TYW1B: variants seen among roughly 807,000 people sequenced by gnomAD.
The protein encoded by TYW1B is S-adenosyl-L-methionine-dependent tRNA 4-demethylwyosine synthase TYW1B.
Under a neutral mutation model 86.9 loss-of-function variants are expected in TYW1B, and 73 were observed. The ratio of observed to expected loss-of-function variants is 0.84; its 90% CI spans 0.70 to 1.02. The LOEUF (loss-of-function observed/expected upper bound fraction) is 1.02, where lower values mean the gene tolerates loss of function less well. Among genes scored for constraint, TYW1B ranks in the 50% least tolerant of loss-of-function variants. The pLI is 0.00. For missense variants in TYW1B, 637 were observed against 827.4 expected (o/e 0.77, Z 2.82); for synonymous variants, 248 against 292.8 (o/e 0.85, Z 1.56).
intron 7 of TYW1B, among the ~76,000 whole-genome samples, chr7:72,773,245 G>T (rs1787897296): frequency 6.6e-6 from 1 of 152,210 alleles, no homozygotes; most frequent in African/African-American, 2.4e-5. Flanking sequence ...TAAGCCAACA[G>T]TGTACAGTTG....
rs188461281 is a variant in TYW1B at position 72,596,545 on chromosome 7, C to T, written c.1785+20127G>A. On this transcript the variant is annotated intron_variant, in intron 13 of 13. Coordinates refer to ENST00000620995, the MANE Select transcript of TYW1B (RefSeq NM_001145440.3). ...AGACTACTCAATGGGGAAAGGGCAG[C>T]GTCCTTAACAAATGGTGTTGGAAAA... Among the ~76,000 whole-genome samples, 37 of 152,220 alleles carry T rather than the reference C, an allele frequency of 2.4e-4. No individual in the cohort carries two copies. The East Asian group carries it at 5.0e-3, about 21-fold the overall frequency.
At chr7:72,699,881 C>T (rs1439721305) in intron 10 of TYW1B, among the ~76,000 whole-genome samples, 2 of 152,004 alleles carry the variant, frequency 1.3e-5, no homozygotes, top group Non-Finnish European at 1.5e-5. Context: ...AACTCTTGGC[C>T]TCAGGTGATC....
chr7:72,622,361 G>C (rs1812238776), intron 12 of TYW1B, among the ~76,000 whole-genome samples: 1 of 152,216 alleles, frequency 6.6e-6, no homozygotes, highest in Admixed American at 6.5e-5. Flanking sequence ...GTGCTTAATG[G>C]AAAGTGATCT....
intron 2 of TYW1B, among the ~76,000 whole-genome samples, chr7:72,823,705 G>A (rs1586012957): frequency 6.6e-6 from 1 of 151,466 alleles, no homozygotes. Context: ...ATGGAAGATG[G>A]CTATCTACCC....
rs539061417 is a variant in TYW1B, at chr7:72,827,410, G to A, written c.5-425C>T. ...GCGACAGAGCAAGGCTCCATCTCGT[G>A]GGGGGGGCGGGGGAATCAACTGTAA... On this transcript the variant is annotated intron_variant, in intron 1 of 13. Coordinates refer to ENST00000620995, the MANE Select transcript of TYW1B (RefSeq NM_001145440.3). Among the ~76,000 whole-genome samples, 3 of 148,250 alleles carry A rather than the reference G, an allele frequency of 2.0e-5. No homozygotes were observed. The South Asian group carries it at 6.3e-4, about 31-fold the overall frequency.
chr7:72,758,536 G>C (rs1787633428), intron 7 of TYW1B, among the ~76,000 whole-genome samples: 1 of 151,978 alleles, frequency 6.6e-6, no homozygotes, highest in East Asian at 1.9e-4. Context: ...ACCTGAAAGA[G>C]AGCACTAAGA....
intron 11 of TYW1B, among the ~76,000 whole-genome samples, chr7:72,665,485 GCT>G (rs1554445115): frequency 1.3e-5 from 2 of 152,156 alleles, no homozygotes; most frequent in East Asian, 3.8e-4. Flanking sequence ...GTTATATGCA[GCT>G]GATCTGAATC....
At chr7:72,777,719 C>A (rs1309401962) in intron 6 of TYW1B, among the ~76,000 whole-genome samples, 186 bp from the exon 7 acceptor site, 2 of 152,012 alleles carry the variant, frequency 1.3e-5, no homozygotes, top group Non-Finnish European at 2.9e-5. Context: ...AGATCGAGAC[C>A]AGCCCGGCCA....
intron 3 of TYW1B, among the ~76,000 whole-genome samples, chr7:72,811,066 T>C (rs1351846123): frequency 6.6e-6 from 1 of 151,298 alleles, no homozygotes; most frequent in Non-Finnish European, 1.5e-5. Flanking sequence ...GGTCAGGAGA[T>C]CGAGACCATC....
intron 11 of TYW1B, among the ~76,000 whole-genome samples, chr7:72,654,454 G>T (rs1373864214): frequency 6.6e-6 from 1 of 152,332 alleles, no homozygotes; most frequent in South Asian, 2.1e-4. Context: ...AAACTGTCCA[G>T]CCTAGAGAAG....
chr7:72,802,311 G>A, intron 6 of TYW1B, 89 bp downstream of exon 6: 1 of 1,532,714 alleles, frequency 6.5e-7, no homozygotes, highest in Non-Finnish European at 8.8e-7. Flanking sequence ...ACTCCTCTGT[G>A]AGCTCAGATG....
chr7:72,740,005 G>A (rs1787273323), intron 8 of TYW1B, among the ~76,000 whole-genome samples: 2 of 148,976 alleles, frequency 1.3e-5, no homozygotes, highest in Admixed American at 6.8e-5. Flanking sequence ...GCCAAGGCGG[G>A]TGGATCACTT....
At chr7:72,734,665 A>T (rs1380303848) in intron 8 of TYW1B, among the ~76,000 whole-genome samples, 3 of 152,218 alleles carry the variant, frequency 2.0e-5, no homozygotes, top group African/African-American at 7.2e-5. Flanking sequence ...CAGGGTGAAG[A>T]GACAACCTGC....
At chr7:72,578,056 C>A (rs4318932) in intron 13 of TYW1B, among the ~76,000 whole-genome samples, 68,314 of 151,228 alleles carry the variant, frequency 0.45, 17,445 homozygotes, top group African/African-American at 0.7. Context: ...GAATATATGA[C>A]CTTAACAACG....
rs782613762 is a variant in TYW1B, at chr7:72,575,692, A to G, written c.1813T>C (p.Trp605Arg). ...KFKIGGEWWT[W>R]IDYNRFQELI... ...TCCTGGAAGCGGTTATAATCGATCC[A>G]TGTCCACCATTCACCACCAATTTTA... The change falls in exon 14 of 14, where the codon TGG (tryptophan) becomes CGG (arginine). Residue 605 changes from tryptophan (W) to arginine (R), a missense_variant. Transcript: ENST00000620995. 4 of 1,609,252 alleles carry G rather than the reference A, an allele frequency of 2.5e-6. No homozygotes were observed. The highest frequency in any genetic ancestry group is 1.7e-4 in the Middle Eastern group (1 of 6,040).
rs1452311892 is a variant in TYW1B, at chr7:72,713,698, G to A, written c.1293C>T (p.Asn431=). 2 of 1,613,780 alleles carry A rather than the reference G, an allele frequency of 1.2e-6. No homozygotes were observed. The part of the protein sequence containing the change: ...VGEPIMYPEI[N]RFLKLLHQCK... ...ACTGGTGGAGTAGCTTCAAAAACCT[G>A]TTGATCTCTGGGTACATTATTGGTT... The change falls in exon 10 of 14, where the codon AAC becomes AAT. Residue 431 remains asparagine, a synonymous_variant. Transcript: ENST00000620995.
chr7:72,732,168 C>T (rs1554460078), intron 8 of TYW1B, among the ~76,000 whole-genome samples: 1 of 152,150 alleles, frequency 6.6e-6, no homozygotes, highest in African/African-American at 2.4e-5. Flanking sequence ...GAAAGATAGA[C>T]TCTACTACCA....
At chr7:72,691,340 G>A (rs1222224455) in intron 11 of TYW1B, among the ~76,000 whole-genome samples, 1 of 152,238 alleles carries the variant, frequency 6.6e-6, no homozygotes, top group East Asian at 1.9e-4. Context: ...GCCCTAATGT[G>A]TGGGCAGTTT....
At chr7:72,764,367 C>T (rs1197478250) in intron 7 of TYW1B, among the ~76,000 whole-genome samples, 1 of 152,196 alleles carries the variant, frequency 6.6e-6, no homozygotes, top group East Asian at 1.9e-4. Flanking sequence ...ACTGCAACCT[C>T]CGCCTCCCGG....
Sources: gnomAD v4.1 joint callset for allele counts (sites outside exome capture counted in the v4.1 genomes callset) on GRCh38, gnomAD v4.1.1 for gene constraint, MANE v1.5 for transcripts, NCBI Gene and HGNC (gene_info 2026-07-23, HGNC 2026-07-21) for gene names.